The following PARD3 variants were observed in gnomAD, a reference collection of about 807,000 sequenced individuals.
PARD3 encodes par-3 family cell polarity regulator, also known as partitioning defective 3 homolog.
Under a neutral mutation model 155.4 loss-of-function variants are expected in PARD3, and 75 were observed. That is an observed-to-expected ratio of 0.48 (90% CI 0.40 to 0.58). The LOEUF (loss-of-function observed/expected upper bound fraction) is 0.58, where lower values mean the gene tolerates loss of function less well. PARD3 is among the 20% of genes least tolerant of loss of function. The pLI is 0.00. For synonymous variants in PARD3, 576 were observed against 610.5 expected (o/e 0.94, Z 0.83); for missense variants, 1,642 against 1,721.7 (o/e 0.95, Z 0.82).
chr10:34,721,200 C>T (rs1478910750), intron 1 of PARD3, among the ~76,000 whole-genome samples: 2 of 152,160 alleles, frequency 1.3e-5, no homozygotes, highest in African/African-American at 2.4e-5. Flanking sequence ...AGCAATGTTA[C>T]GCTCCTTACA....
At chr10:34,459,318 C>T (rs939516201) in intron 4 of PARD3, among the ~76,000 whole-genome samples, 14 of 152,094 alleles carry the variant, frequency 9.2e-5, no homozygotes, top group African/African-American at 1.5e-4. Context: ...AGGCGCCCAC[C>T]ACCATGCCCA....
At chr10:34,283,620 G>T (rs1956253796) in intron 21 of PARD3, among the ~76,000 whole-genome samples, 1 of 152,116 alleles carries the variant, frequency 6.6e-6, no homozygotes, top group Non-Finnish European at 1.5e-5. Context: ...CACAAAATGT[G>T]AAGATGGTAA....
At chr10:34,633,502 G>A (rs7076806) in intron 2 of PARD3, among the ~76,000 whole-genome samples, 6,605 of 152,226 alleles carry the variant, frequency 0.043, 176 homozygotes, top group Middle Eastern at 0.078. Flanking sequence ...TTCCATACAC[G>A]TTGTCACAGA....
intron 22 of PARD3, among the ~76,000 whole-genome samples, chr10:34,199,870 C>T (rs760299407): frequency 2.0e-5 from 3 of 152,010 alleles, no homozygotes; most frequent in Non-Finnish European, 4.4e-5. Flanking sequence ...AAAGACTATT[C>T]GAATGTGTTA....
At chr10:34,794,609 A>G (rs1171722748) in intron 1 of PARD3, among the ~76,000 whole-genome samples, 2 of 152,236 alleles carry the variant, frequency 1.3e-5, no homozygotes, top group Non-Finnish European at 2.9e-5. Flanking sequence ...GTATATTCCC[A>G]TAAAGAAATG....
At chr10:34,759,164 T>C (rs1380504553) in intron 1 of PARD3, among the ~76,000 whole-genome samples, 1 of 151,374 alleles carries the variant, frequency 6.6e-6, no homozygotes, top group Non-Finnish European at 1.5e-5. Context: ...TACAACTCAA[T>C]GAGAATTGGA....
chr10:34,538,414 T>C (rs7896094), intron 2 of PARD3, among the ~76,000 whole-genome samples: 3,393 of 152,280 alleles, frequency 0.022, 135 homozygotes, highest in African/African-American at 0.077. Context: ...CAGGCTACAA[T>C]AGGTGTAGAA....
chr10:34,179,971 G>T (rs781310749), intron 22 of PARD3, among the ~76,000 whole-genome samples: 1 of 151,888 alleles, frequency 6.6e-6, no homozygotes, highest in Non-Finnish European at 1.5e-5. Flanking sequence ...TATTTATGGG[G>T]TACATGAGAT....
chr10:34,804,820 C>T (rs1814451197), intron 1 of PARD3, among the ~76,000 whole-genome samples: 1 of 152,134 alleles, frequency 6.6e-6, no homozygotes, highest in South Asian at 2.1e-4. Context: ...ACAAAAAAAT[C>T]TAGTCTCATA....
intron 2 of PARD3, among the ~76,000 whole-genome samples, chr10:34,574,189 C>T (rs1051187892): frequency 6.6e-6 from 1 of 151,960 alleles, no homozygotes; most frequent in Non-Finnish European, 1.5e-5. Flanking sequence ...AAAAGATTTA[C>T]AAAATATTGA....
chr10:34,813,507 T>A (rs1322424696), intron 1 of PARD3, among the ~76,000 whole-genome samples: 1 of 152,196 alleles, frequency 6.6e-6, no homozygotes, highest in East Asian at 1.9e-4. Flanking sequence ...TTTATTTGAT[T>A]TTCAATAAAA....
rs545260290 is a variant in PARD3 at position 34,477,585 on chromosome 10, A to C, written c.404-7322T>G. ...AATAAGTGGAAGAAATGGTGATCTA[A>C]TTATGAATTAGAGCAAATACCAAAG... is the stretch of plus-strand genomic sequence containing the variant. On this transcript the variant is annotated intron_variant, in intron 3 of 24. Transcript: ENST00000374788. Among the ~76,000 whole-genome samples the C allele has an allele frequency of 1.3e-4, 20 of 152,322 alleles. No individual in the cohort carries two copies. In the East Asian group the frequency reaches 3.7e-3, roughly 28 times the overall value.
rs145639864 is a variant in PARD3 at position 34,502,789 on chromosome 10, T to C, written c.403+14190A>G. 7.4e-4 allele frequency among the ~76,000 whole-genome samples: 113 copies of C among 152,192 alleles called. No homozygotes were observed. In the East Asian group the frequency reaches 0.013, roughly 17 times the overall value. ...AAAAACAAAAAACAACAACTTTGATTAAACTAATTTCCCACTTTTGAAGAA... is the reference window on the plus strand; with the variant it reads ...AAAAACAAAAAACAACAACTTTGATCAAACTAATTTCCCACTTTTGAAGAA... On this transcript the variant is annotated intron_variant, in intron 3 of 24. Transcript: ENST00000374788.
intron 1 of PARD3, among the ~76,000 whole-genome samples, chr10:34,768,459 AAAGAT>A (rs1204543508): frequency 1.4e-5 from 2 of 145,956 alleles, no homozygotes; most frequent in Non-Finnish European, 3.0e-5. Context: ...CAGGTAGATA[AAAGAT>A]AAGAGACAAA....
intron 19 of PARD3, among the ~76,000 whole-genome samples, chr10:34,317,759 A>T (rs1050169902): frequency 6.6e-6 from 1 of 152,234 alleles, no homozygotes; most frequent in African/African-American, 2.4e-5. Context: ...CTTGGGTAAG[A>T]ATAATGCAGA....
intron 2 of PARD3, among the ~76,000 whole-genome samples, chr10:34,557,074 C>A (rs978713673): frequency 6.6e-6 from 1 of 152,140 alleles, no homozygotes; most frequent in Non-Finnish European, 1.5e-5. Flanking sequence ...CAGGGGTCCA[C>A]CCTGCAGAGA....
At chr10:34,435,942 T>TC (rs1458670603) in intron 5 of PARD3, among the ~76,000 whole-genome samples, 1 of 152,166 alleles carries the variant, frequency 6.6e-6, no homozygotes, top group Admixed American at 6.5e-5. Context: ...CCTTTTTCTG[T>TC]CCCCGTCATT....
chr10:34,757,290 T>C (rs1836863831), intron 1 of PARD3, among the ~76,000 whole-genome samples: 1 of 152,248 alleles, frequency 6.6e-6, no homozygotes, highest in African/African-American at 2.4e-5. Context: ...CTTATTCTCA[T>C]CTAACACAGT....
At chr10:34,583,999 CATTT>C (rs1302984024) in intron 2 of PARD3, among the ~76,000 whole-genome samples, 1 of 152,138 alleles carries the variant, frequency 6.6e-6, no homozygotes, top group African/African-American at 2.4e-5. Context: ...CATAAATCAT[CATTT>C]ATTAGAGCGT....
Sources: gnomAD v4.1 joint callset for allele counts (sites outside exome capture counted in the v4.1 genomes callset) on GRCh38, gnomAD v4.1.1 for gene constraint, MANE v1.5 for transcripts, NCBI Gene and HGNC (gene_info 2026-07-23, HGNC 2026-07-21) for gene names.